The following RPP30 variants were observed in gnomAD, a reference collection of about 807,000 sequenced individuals.
RPP30 encodes ribonuclease P protein subunit p30.
RPP30 carries 36 observed loss-of-function variants against 38.6 expected under a neutral mutation model. That is an observed-to-expected ratio of 0.93 (90% confidence interval 0.71 to 1.23). The LOEUF (loss-of-function observed/expected upper bound fraction) is 1.23, where lower values mean the gene tolerates loss of function less well. Ranked by LOEUF, RPP30 falls within the 50% of genes most tolerant of loss-of-function variation. The probability of loss-of-function intolerance (pLI) is 0.00; values close to 1 mark genes in which losing one functional copy is unlikely to be tolerated. For missense variants in RPP30, 321 were observed against 321.7 expected (o/e 1.00, Z 0.02); for synonymous variants, 126 against 112.7 (o/e 1.12, Z -0.75).
chr10:90,873,029 T>C (rs1460641185), intron 1 of RPP30, among the ~76,000 whole-genome samples: 1 of 152,212 alleles, frequency 6.6e-6, no homozygotes, highest in African/African-American at 2.4e-5. Context: ...TTCCTAGGTG[T>C]AGTTTGTCGC....
At chr10:90,875,040 C>G in intron 2 of RPP30, 116 bp downstream of exon 2, 1 of 544,232 alleles carries the variant, frequency 1.8e-6, no homozygotes, top group East Asian at 3.2e-5. Flanking sequence ...CCTTTGTGCA[C>G]TACTACTTTT....
At chr10:90,878,583 T>C (rs1383120108) in intron 4 of RPP30, among the ~76,000 whole-genome samples, 1 of 151,948 alleles carries the variant, frequency 6.6e-6, no homozygotes, top group Admixed American at 6.6e-5. Context: ...CCTCAACCTA[T>C]GGGACTCAAG....
intron 5 of RPP30, 75 bp from the exon 6 acceptor site, chr10:90,885,737 G>A (rs745691814): frequency 1.6e-5 from 14 of 854,196 alleles, no homozygotes; most frequent in Non-Finnish European, 2.7e-5. Context: ...ACTTTATATC[G>A]AGTTTGACCC....
intron 4 of RPP30, among the ~76,000 whole-genome samples, chr10:90,878,132 C>T (rs1846875394): frequency 1.3e-5 from 2 of 151,948 alleles, no homozygotes; most frequent in Admixed American, 1.3e-4. Flanking sequence ...CTTGGTGGTT[C>T]CTTTTTGTCT....
chr10:90,876,369 TG>T (rs1236568367), intron 4 of RPP30, among the ~76,000 whole-genome samples: 1 of 152,176 alleles, frequency 6.6e-6, no homozygotes, highest in Non-Finnish European at 1.5e-5. Flanking sequence ...AGGTGGGTGC[TG>T]GGGGGTATTG....
At chr10:90,906,091 G>A (rs905351989), downstream of RPP30, 1 of 152,208 alleles carries the variant, frequency 6.6e-6, no homozygotes, top group Admixed American at 6.5e-5. Flanking sequence ...TGCTTCCTTT[G>A]TTACTCATTT....
downstream of RPP30, chr10:90,905,333 A>G (rs1847242292): frequency 6.6e-6 from 1 of 152,122 alleles, no homozygotes; most frequent in Non-Finnish European, 1.5e-5. Flanking sequence ...GAGTCACTTT[A>G]CCTGAAGATA....
At chr10:90,893,530 A>G (rs1473128878) in intron 6 of RPP30, among the ~76,000 whole-genome samples, 4 of 152,204 alleles carry the variant, frequency 2.6e-5, no homozygotes, top group Admixed American at 6.5e-5. Context: ...TGTTTTCTCC[A>G]TTAGGAATAA....
intron 6 of RPP30, among the ~76,000 whole-genome samples, chr10:90,889,330 A>G (rs1264037012): frequency 8.1e-6 from 1 of 124,208 alleles, no homozygotes; most frequent in Non-Finnish European, 1.6e-5. Flanking sequence ...TTTTTTTGAG[A>G]CAGAGTCTCG....
At chr10:90,893,965 A>G (rs1335412163) in intron 6 of RPP30, among the ~76,000 whole-genome samples, 1 of 152,206 alleles carries the variant, frequency 6.6e-6, no homozygotes, top group Non-Finnish European at 1.5e-5. Context: ...CCACTCATCT[A>G]CTTACCTGTG....
intron 3 of RPP30, 94 bp from the exon 4 acceptor site, chr10:90,875,930 A>G: frequency 1.4e-6 from 1 of 739,656 alleles, no homozygotes; most frequent in Non-Finnish European, 2.4e-6. Context: ...TATCCCTTAT[A>G]GCCAGTACCT....
At chr10:90,887,347 A>G (rs1300852068) in intron 6 of RPP30, among the ~76,000 whole-genome samples, 2 of 152,024 alleles carry the variant, frequency 1.3e-5, no homozygotes, top group South Asian at 2.1e-4. Context: ...ATATCATCAT[A>G]TATTTCAAGG....
At chr10:90,899,332 G>C (rs573417212) in intron 10 of RPP30, among the ~76,000 whole-genome samples, 55 of 152,334 alleles carry the variant, frequency 3.6e-4, no homozygotes, top group Middle Eastern at 3.4e-3. Context: ...AATTGGCAGA[G>C]TAGATTTACT....
chr10:90,902,530 A>C (rs887396878), downstream of RPP30, among the ~76,000 whole-genome samples: 1 of 152,196 alleles, frequency 6.6e-6, no homozygotes, highest in Admixed American at 6.5e-5. Flanking sequence ...CCGGCCTTCC[A>C]GTTCTTTTTA....
Position 90,887,295 on chromosome 10 carries a change from C to T in RPP30, c.432+1394C>T, listed in dbSNP as rs183711979. On this transcript the variant is annotated intron_variant, in intron 6 of 10. Coordinates refer to ENST00000371703, the MANE Select transcript of RPP30 (RefSeq NM_006413.5). ...CCCAATGGGGAAAAGTTTAAGTTAG[C>T]TTATGTTCTACCCCTAAAAATATGC... 3.1e-4 allele frequency among the ~76,000 whole-genome samples: 47 copies of T among 152,142 alleles called. No individual in the cohort carries two copies. In the East Asian group the frequency reaches 5.4e-3, roughly 18 times the overall value.
At chr10:90,880,640 A>G (rs1846916443) in intron 5 of RPP30, among the ~76,000 whole-genome samples, 1 of 152,190 alleles carries the variant, frequency 6.6e-6, no homozygotes, top group Non-Finnish European at 1.5e-5. Flanking sequence ...GAATTGCTTG[A>G]ACCCAGGAGG....
downstream of RPP30, chr10:90,905,223 C>T (rs1847241213): frequency 6.6e-6 from 1 of 152,044 alleles, no homozygotes; most frequent in African/African-American, 2.4e-5. Context: ...CATAGAGATC[C>T]CCATTCCCAG....
chr10:90,896,531 C>A, intron 10 of RPP30, 139 bp downstream of exon 10: 1 of 613,304 alleles, frequency 1.6e-6, no homozygotes, highest in East Asian at 2.8e-5. Flanking sequence ...ACACAGTCAT[C>A]AGTGTTTTCT....
Position 90,900,717 on chromosome 10 carries a change from C to T in RPP30, c.*38C>T. 1 of 1,585,590 alleles carries T rather than the reference C, an allele frequency of 6.3e-7. No individual in the cohort carries two copies. The highest frequency in any genetic ancestry group is 8.6e-7 in the Non-Finnish European group (1 of 1,169,216). On this transcript the variant is annotated 3_prime_UTR_variant, in exon 11 of 11. Coordinates refer to ENST00000371703, the MANE Select transcript of RPP30 (RefSeq NM_006413.5). ...AGTCTCTGTCAGCACTCCCTTCTTC[C>T]CTTTTATAGTTCATCAGCCACAACA...
Sources: gnomAD v4.1 joint callset for allele counts (sites outside exome capture counted in the v4.1 genomes callset) on GRCh38, gnomAD v4.1.1 for gene constraint, MANE v1.5 for transcripts, NCBI Gene and HGNC (gene_info 2026-07-23, HGNC 2026-07-21) for gene names.